The following LMX1A variants were observed in gnomAD, a reference collection of about 807,000 sequenced individuals.
LMX1A encodes LIM homeobox transcription factor 1-alpha.
A neutral mutation model predicts 49.1 loss-of-function variants in LMX1A; 15 were observed. That is an observed-to-expected ratio of 0.31 (90% CI 0.20 to 0.47). LMX1A has a LOEUF of 0.47. Ranked by LOEUF, LMX1A falls within the 20% of genes least tolerant of loss-of-function variation. The pLI is 1.00. For missense variants in LMX1A, 372 were observed against 475.8 expected (o/e 0.78, Z 2.03); for synonymous variants, 167 against 185.7 (o/e 0.90, Z 0.82).
At chr1:165,334,529 A>G (rs1228712576) in intron 3 of LMX1A, among the ~76,000 whole-genome samples, 5 of 152,222 alleles carry the variant, frequency 3.3e-5, no homozygotes, top group Non-Finnish European at 7.3e-5. Flanking sequence ...AGGTCACACA[A>G]CTAATAAATG....
intron 3 of LMX1A, among the ~76,000 whole-genome samples, chr1:165,314,048 G>A (rs1420467119): frequency 6.6e-6 from 1 of 152,202 alleles, no homozygotes; most frequent in East Asian, 1.9e-4. Context: ...CCACAGCTAT[G>A]GGAAGGAGTG....
At chr1:165,238,950 A>T (rs758688317) in intron 4 of LMX1A, among the ~76,000 whole-genome samples, 1 of 152,222 alleles carries the variant, frequency 6.6e-6, no homozygotes, top group Admixed American at 6.5e-5. Flanking sequence ...AAATAATAAC[A>T]TTGCTTTCCT....
At chr1:165,231,015 A>T (rs1390199512) in intron 4 of LMX1A, among the ~76,000 whole-genome samples, 1 of 152,244 alleles carries the variant, frequency 6.6e-6, no homozygotes, top group Non-Finnish European at 1.5e-5. Context: ...TTAATAAAAC[A>T]TTTCCTAAAG....
intron 3 of LMX1A, among the ~76,000 whole-genome samples, chr1:165,300,920 C>A (rs965761857): frequency 6.6e-6 from 1 of 152,098 alleles, no homozygotes; most frequent in East Asian, 1.9e-4. Context: ...AGTAGAGAAA[C>A]CCTAGGTGGC....
chr1:165,290,126 T>C (rs1654420389), intron 3 of LMX1A, among the ~76,000 whole-genome samples: 2 of 152,244 alleles, frequency 1.3e-5, no homozygotes, highest in Non-Finnish European at 2.9e-5. Context: ...ATAGTCTACA[T>C]CTGGCTCCCC....
At chr1:165,294,729 C>T (rs1388213376) in intron 3 of LMX1A, among the ~76,000 whole-genome samples, 2 of 152,092 alleles carry the variant, frequency 1.3e-5, no homozygotes, top group East Asian at 1.9e-4. Flanking sequence ...TTCGGGAGGC[C>T]GAGGCAGGCG....
At chr1:165,231,358 C>T (rs1171455907) in intron 4 of LMX1A, among the ~76,000 whole-genome samples, 1 of 151,592 alleles carries the variant, frequency 6.6e-6, no homozygotes, top group Non-Finnish European at 1.5e-5. Context: ...GGCTGGAGTG[C>T]AGTGGTGCCA....
intron 3 of LMX1A, among the ~76,000 whole-genome samples, chr1:165,321,094 A>G (rs1428265850): frequency 1.3e-5 from 2 of 152,208 alleles, no homozygotes; most frequent in African/African-American, 2.4e-5. Context: ...CGTGCTACAC[A>G]TGGACGAACC....
In LMX1A at chr1:165,277,181, G is replaced by A. The variant is rs550011132; in HGVS notation, c.264-27541C>T. On this transcript the variant is annotated intron_variant, in intron 3 of 8. Coordinates refer to ENST00000342310, the MANE Select transcript of LMX1A (RefSeq NM_177398.4). ...GTTGGTAAAAGATGCAGGTAAGGAG[G>A]GTACAGCAAGTTTACTGGGCTGGTG... is the stretch of plus-strand genomic sequence containing the variant. 1.3e-4 allele frequency among the ~76,000 whole-genome samples: 20 copies of A among 152,302 alleles called. 1 individual carries two copies. The highest frequency in any genetic ancestry group is 4.8e-4 in the African/African-American group (20 of 41,554).
chr1:165,294,754 A>G (rs568657428), intron 3 of LMX1A, among the ~76,000 whole-genome samples: 1 of 152,218 alleles, frequency 6.6e-6, no homozygotes, highest in Non-Finnish European at 1.5e-5. Context: ...ACTTGAGGTC[A>G]GGAATTCGAG....
chr1:165,309,252 C>G (rs1043520235), intron 3 of LMX1A, among the ~76,000 whole-genome samples: 2 of 152,184 alleles, frequency 1.3e-5, no homozygotes, highest in African/African-American at 4.8e-5. Flanking sequence ...TACAGAGAGC[C>G]TGGAATCCCA....
At chr1:165,236,512 G>C (rs1652450714) in intron 4 of LMX1A, among the ~76,000 whole-genome samples, 1 of 151,664 alleles carries the variant, frequency 6.6e-6, no homozygotes, top group African/African-American at 2.4e-5. Context: ...GTATTGCATG[G>C]GACACACTTA....
At chr1:165,244,839 G>A (rs950967000) in intron 4 of LMX1A, among the ~76,000 whole-genome samples, 5 of 119,392 alleles carry the variant, frequency 4.2e-5, no homozygotes, top group African/African-American at 1.6e-4. Context: ...GGAGACCTTG[G>A]GCATCCAAGT....
Position 165,305,207 on chromosome 1 carries a change from C to T in LMX1A, c.263+47869G>A, listed in dbSNP as rs145821100. Among the ~76,000 whole-genome samples, 362 of 152,168 alleles carry T rather than the reference C, an allele frequency of 2.4e-3. 1 individual carries two copies. Among genetic ancestry groups the T allele is most frequent in the African/African-American group, 7.7e-3 (320 of 41,510 alleles). On this transcript the variant is annotated intron_variant, in intron 3 of 8. Transcript: ENST00000342310. ...TGCAGTTGGACTAGTCAACAGGTAGCGGTAATTTAGCTAAATAGCACACTT... is the reference window on the plus strand; with the variant it reads ...TGCAGTTGGACTAGTCAACAGGTAGTGGTAATTTAGCTAAATAGCACACTT...
At chr1:165,312,666 C>T (rs1462410958) in intron 3 of LMX1A, among the ~76,000 whole-genome samples, 2 of 152,330 alleles carry the variant, frequency 1.3e-5, no homozygotes, top group East Asian at 1.9e-4. Flanking sequence ...CCAACATCCC[C>T]AGCCGAGCTC....
At chr1:165,258,428 T>A (rs1056221040) in intron 3 of LMX1A, among the ~76,000 whole-genome samples, 1 of 151,514 alleles carries the variant, frequency 6.6e-6, no homozygotes, top group East Asian at 1.9e-4. Flanking sequence ...GGTCCTGGGG[T>A]GGTGGGAAAG....
rs563994927 is a variant in LMX1A at position 165,258,030 on chromosome 1, C to A, written c.264-8390G>T. On this transcript the variant is annotated intron_variant, in intron 3 of 8. Transcript: ENST00000342310. Reference sequence around the variant, plus strand: ...TGAGTTTTGATGAGATATATGAACCCTCCGGTTTAGAAAGTAACAGAGGGT... The same window carrying A: ...TGAGTTTTGATGAGATATATGAACCATCCGGTTTAGAAAGTAACAGAGGGT... Among the ~76,000 whole-genome samples, 4 of 152,180 alleles carry A rather than the reference C, an allele frequency of 2.6e-5. No individual in the cohort carries two copies. The South Asian group carries it at 8.3e-4, about 32-fold the overall frequency.
At chr1:165,230,805 C>T (rs546483932) in intron 4 of LMX1A, among the ~76,000 whole-genome samples, 1 of 152,314 alleles carries the variant, frequency 6.6e-6, no homozygotes, top group South Asian at 2.1e-4. Flanking sequence ...GGATTCAAGT[C>T]TCTTGGCTCA....
At chr1:165,336,988 A>C (rs1655916441) in intron 3 of LMX1A, among the ~76,000 whole-genome samples, 1 of 152,234 alleles carries the variant, frequency 6.6e-6, no homozygotes, top group South Asian at 2.1e-4. Context: ...AATATTAAAT[A>C]GGTGGTCAGA....
Sources: gnomAD v4.1 joint callset for allele counts (sites outside exome capture counted in the v4.1 genomes callset) on GRCh38, gnomAD v4.1.1 for gene constraint, MANE v1.5 for transcripts, NCBI Gene and HGNC (gene_info 2026-07-23, HGNC 2026-07-21) for gene names.